The following TBC1D8 variants were observed in gnomAD, a reference collection of about 807,000 sequenced individuals.
TBC1D8 encodes the protein TBC1 domain family member 8, also known as BUB2-like protein 1.
Under a neutral mutation model 118.8 loss-of-function variants are expected in TBC1D8, and 65 were observed. The ratio of observed to expected loss-of-function variants is 0.55; its 90% CI spans 0.45 to 0.67. The LOEUF (loss-of-function observed/expected upper bound fraction) is 0.67. Ranked by LOEUF, TBC1D8 falls within the 30% of genes least tolerant of loss-of-function variation. TBC1D8 has a pLI of 0.00. For synonymous variants in TBC1D8, 566 were observed against 595.8 expected, an observed-to-expected ratio of 0.95 and a Z score of 0.73; for missense variants, 1,376 against 1,471.2, an observed-to-expected ratio of 0.94 and a Z score of 1.06.
At chr2:101,103,683 C>T (rs1403864635) in intron 1 of TBC1D8, among the ~76,000 whole-genome samples, 3 of 152,182 alleles carry the variant, frequency 2.0e-5, no homozygotes, top group East Asian at 1.9e-4. Flanking sequence ...TGAGCCACCG[C>T]GCATGGCCAG....
In TBC1D8 at chr2:101,123,339, C is replaced by T. The variant is rs184533557; in HGVS notation, c.127+27788G>A. Among the ~76,000 whole-genome samples the T allele has an allele frequency of 3.9e-3, 590 of 152,242 alleles. 4 individuals carry two copies. The highest frequency in any genetic ancestry group is 0.017 in the South Asian group (80 of 4,808). ...GGATGCCTTTTATTTCTTTCTCTTG[C>T]CCGATTGCTCTGGCTAGGACTTCCA... On this transcript the variant is annotated intron_variant, in intron 1 of 19. Transcript: ENST00000409318.
chr2:101,079,667 T>TG (rs1056723712), intron 2 of TBC1D8, among the ~76,000 whole-genome samples: 1 of 143,844 alleles, frequency 7.0e-6, no homozygotes, highest in African/African-American at 2.6e-5. Context: ...TTTGAGTCAC[T>TG]GGGTCCAGTC....
intron 15 of TBC1D8, among the ~76,000 whole-genome samples, chr2:101,022,758 C>T (rs1290291375): frequency 6.6e-6 from 1 of 152,012 alleles, no homozygotes; most frequent in Non-Finnish European, 1.5e-5. Context: ...GTAAAATGTA[C>T]CAATGTAACT....
intron 15 of TBC1D8, chr2:101,023,739 A>AATG (rs977723499): frequency 3.0e-6 from 1 of 337,068 alleles, no homozygotes; most frequent in Non-Finnish European, 6.0e-6. Context: ...ACCCATACTA[A>AATG]ATGACTACAT....
At chr2:101,040,505 T>C in intron 5 of TBC1D8, 120 bp from the exon 6 acceptor site, 1 of 1,059,164 alleles carries the variant, frequency 9.4e-7, no homozygotes, top group Non-Finnish European at 1.4e-6. Context: ...AGTCTCGCTC[T>C]GTCGCCCAGG....
At position 101,011,628 on chromosome 2, in the gene TBC1D8, T is replaced by A. The variant is rs1026480078; in HGVS notation, c.2828-88A>T. ...TGTAGCTTTCTAGGCAACTAAAGGC[T>A]AAGCCAGCAGCTCCCAGCCTGTGGA... is the stretch of plus-strand genomic sequence containing the variant. On this transcript the variant is annotated intron_variant, in intron 17 of 19. Coordinates refer to ENST00000409318, the MANE Select transcript of TBC1D8 (RefSeq NM_001330348.2). 4.3e-6 allele frequency: 6 copies of A among 1,390,658 alleles called. No individual in the cohort carries two copies. The African/African-American group carries it at 8.5e-5, about 20-fold the overall frequency. 86.1% of individuals were successfully genotyped at this position (1,390,658 alleles called of 1,614,324 possible).
intron 1 of TBC1D8, among the ~76,000 whole-genome samples, chr2:101,147,735 A>T (rs1679377748): frequency 6.6e-6 from 1 of 152,048 alleles, no homozygotes. Context: ...GTTCCTTATT[A>T]TCCCACTCAC....
At chr2:101,065,364 C>T (rs906179751) in intron 2 of TBC1D8, among the ~76,000 whole-genome samples, 1 of 152,174 alleles carries the variant, frequency 6.6e-6, no homozygotes, top group Admixed American at 6.5e-5. Flanking sequence ...TACAAAGGAG[C>T]TAGTTAAAAG....
intron 1 of TBC1D8, among the ~76,000 whole-genome samples, chr2:101,102,348 GGAGGCT>G (rs1489528394): frequency 6.6e-6 from 1 of 152,008 alleles, no homozygotes; most frequent in Non-Finnish European, 1.5e-5. Context: ...CAGTTACTCA[GGAGGCT>G]GAGGCAGGAG....
Position 101,141,683 on chromosome 2 carries a change from T to C in TBC1D8, c.127+9444A>G, listed in dbSNP as rs539781044. Among the ~76,000 whole-genome samples, 6 of 151,976 alleles carry C rather than the reference T, an allele frequency of 3.9e-5. No individual in the cohort carries two copies. In the South Asian group the frequency reaches 1.0e-3, roughly 26 times the overall value. On this transcript the variant is annotated intron_variant, in intron 1 of 19. Transcript: ENST00000409318. ...ACAAAAGGGAAAAGACTGATACATC[T>C]GACTGCATGAAAATTAACAATGTGA... is the stretch of plus-strand genomic sequence containing the variant.
chr2:101,039,560 T>TG (rs1421882418), intron 6 of TBC1D8, among the ~76,000 whole-genome samples: 1 of 152,232 alleles, frequency 6.6e-6, no homozygotes, highest in Non-Finnish European at 1.5e-5. Context: ...AACAGAGTTG[T>TG]GGGTACCATC....
rs956252027 is a variant in TBC1D8 at position 101,079,686 on chromosome 2, T to G, written c.283+10523A>C. Among the ~76,000 whole-genome samples the G allele has an allele frequency of 4.2e-4, 59 of 140,428 alleles. No homozygotes were observed. In the East Asian group the frequency reaches 8.6e-3, roughly 21 times the overall value. The allele number at this position is 140,428 out of a possible 152,430, so 92.1% of individuals were successfully genotyped here. On this transcript the variant is annotated intron_variant, in intron 2 of 19. Coordinates refer to ENST00000409318, the MANE Select transcript of TBC1D8 (RefSeq NM_001330348.2). ...AGTCACTGGGTCCAGTCTGGTTTTT[T>G]TTTTTTTTTTTTTTTTTGAGACGGA...
intron 2 of TBC1D8, among the ~76,000 whole-genome samples, chr2:101,061,187 C>CAAAA (rs397785120): frequency 1.7e-4 from 9 of 52,482 alleles, no homozygotes; most frequent in Admixed American, 5.0e-4. Flanking sequence ...GACTCTGTCT[C>CAAAA]AAAAAAAAAA....
chr2:101,039,256 TGTAA>T (rs1681230147), intron 6 of TBC1D8, among the ~76,000 whole-genome samples: 1 of 152,228 alleles, frequency 6.6e-6, no homozygotes, highest in Non-Finnish European at 1.5e-5. Flanking sequence ...TTTTTAAGCA[TGTAA>T]GTTGGCTCCT....
intron 5 of TBC1D8, among the ~76,000 whole-genome samples, chr2:101,041,021 A>G (rs554009929): frequency 1.3e-5 from 2 of 152,232 alleles, no homozygotes; most frequent in Non-Finnish European, 2.9e-5. Context: ...TTAAGAATCC[A>G]AGTTTCAAAA....
chr2:101,126,403 T>A (rs1316605685), intron 1 of TBC1D8, among the ~76,000 whole-genome samples: 1 of 152,168 alleles, frequency 6.6e-6, no homozygotes, highest in African/African-American at 2.4e-5. Context: ...GTAAGAATTC[T>A]CTACCACAAG....
intron 1 of TBC1D8, among the ~76,000 whole-genome samples, chr2:101,120,949 T>C (rs925969706): frequency 1.3e-5 from 2 of 152,222 alleles, no homozygotes; most frequent in African/African-American, 4.8e-5. Context: ...GCTGGATGTG[T>C]AGCAATCATT....
chr2:101,129,153 A>T (rs1210672367), intron 1 of TBC1D8, among the ~76,000 whole-genome samples: 10 of 152,058 alleles, frequency 6.6e-5, no homozygotes, highest in South Asian at 2.1e-4. Context: ...TGTTTTTTTT[A>T]AATTGAGATA....
chr2:101,078,714 C>CAAA (rs34903828), intron 2 of TBC1D8, among the ~76,000 whole-genome samples: 1 of 80,252 alleles, frequency 1.2e-5, no homozygotes, highest in African/African-American at 5.2e-5. Flanking sequence ...ATCTTCATAA[C>CAAA]AAAAAAAAAA....
Sources: gnomAD v4.1 joint callset for allele counts (sites outside exome capture counted in the v4.1 genomes callset) on GRCh38, gnomAD v4.1.1 for gene constraint, MANE v1.5 for transcripts, NCBI Gene and HGNC (gene_info 2026-07-23, HGNC 2026-07-21) for gene names.